PCBP3: variants seen among roughly 807,000 people sequenced by gnomAD.
PCBP3 encodes poly(rC)-binding protein 3.
Under a neutral mutation model 52.7 loss-of-function variants are expected in PCBP3, and 25 were observed. That is an observed-to-expected ratio of 0.47 (90% CI 0.35 to 0.66). The LOEUF is 0.66. Among genes scored for constraint, PCBP3 ranks in the 30% least tolerant of loss-of-function variants. The pLI, the probability that PCBP3 is intolerant of heterozygous loss-of-function variation, is 0.01. For missense variants in PCBP3, 391 were observed against 490.3 expected, an observed-to-expected ratio of 0.80 and a Z score of 1.91; for synonymous variants, 162 against 183.0, an observed-to-expected ratio of 0.89 and a Z score of 0.93.
At chr21:45,923,835 A>G (rs1274229767) in intron 13 of PCBP3, among the ~76,000 whole-genome samples, 1 of 149,344 alleles carries the variant, frequency 6.7e-6, no homozygotes, top group African/African-American at 2.5e-5. Context: ...AGATGCGAAC[A>G]CCGGGAACAG....
intron 5 of PCBP3, among the ~76,000 whole-genome samples, chr21:45,878,190 C>T (rs937191802): frequency 2.0e-5 from 3 of 152,270 alleles, no homozygotes; most frequent in South Asian, 2.1e-4. Context: ...AGGCTGGCAA[C>T]GCACAGGGGC....
intron 1 of PCBP3, among the ~76,000 whole-genome samples, chr21:45,657,683 AAAG>A (rs2080106854): frequency 1.3e-5 from 2 of 152,052 alleles, no homozygotes; most frequent in Admixed American, 6.6e-5. Context: ...GGAAAAAAAA[AAAG>A]GCAGGTAGAA....
chr21:45,706,625 A>G (rs2083467751), intron 2 of PCBP3, among the ~76,000 whole-genome samples: 1 of 152,214 alleles, frequency 6.6e-6, no homozygotes, highest in Non-Finnish European at 1.5e-5. Flanking sequence ...TGGCTTAATC[A>G]GCAAGTGCTG....
chr21:45,784,904 GTC>G (rs1417831966), intron 4 of PCBP3, among the ~76,000 whole-genome samples: 1 of 151,858 alleles, frequency 6.6e-6, no homozygotes, highest in African/African-American at 2.4e-5. Context: ...AGTGATGAGT[GTC>G]TCTGCCTGGC....
chr21:45,662,871 A>G (rs1404109357), intron 1 of PCBP3, among the ~76,000 whole-genome samples: 2 of 152,044 alleles, frequency 1.3e-5, no homozygotes, highest in African/African-American at 4.8e-5. Flanking sequence ...AGTGCCAAGG[A>G]AAAGCACCCG....
chr21:45,716,992 G>A (rs1386233999), intron 2 of PCBP3, among the ~76,000 whole-genome samples: 2 of 151,960 alleles, frequency 1.3e-5, no homozygotes. Context: ...AACATAGGAT[G>A]TTTTTCTATT....
At chr21:45,839,554 A>C (rs888480053) in intron 4 of PCBP3, among the ~76,000 whole-genome samples, 11 of 152,128 alleles carry the variant, frequency 7.2e-5, no homozygotes, top group African/African-American at 2.7e-4. Context: ...TTCACAGGAG[A>C]AAGGTAATTT....
rs749690751 is a variant in PCBP3, at chr21:45,910,929, G to T, written c.499G>T (p.Gly167Trp). 6.2e-7 allele frequency: 1 copy of T among 1,610,408 alleles called. No homozygotes were observed. The highest frequency in any genetic ancestry group is 1.1e-5 in the South Asian group (1 of 91,014). The change falls in exon 11 of 18, where the codon GGG becomes TGG. Residue 167 changes from glycine (G) to tryptophan (W), a missense_variant. Physicochemically the swap from Gly to Trp is radical, Grantham distance 184. Coordinates refer to ENST00000681687, the MANE Select transcript of PCBP3 (RefSeq NM_001384156.1). ...CACAGGTGCCCAGGTGCAGGTGGCT[G>T]GGGACATGCTGCCCAACTCCACGGA... ...ESTGAQVQVA[G>W]DMLPNSTERA...
chr21:45,695,458 A>G (rs1237761624), intron 2 of PCBP3, among the ~76,000 whole-genome samples: 1 of 152,194 alleles, frequency 6.6e-6, no homozygotes, highest in Non-Finnish European at 1.5e-5. Context: ...TCCAGCCTCA[A>G]GTACCTCAGT....
At chr21:45,873,932 C>T (rs971934706) in intron 5 of PCBP3, among the ~76,000 whole-genome samples, 3 of 152,252 alleles carry the variant, frequency 2.0e-5, no homozygotes, top group Non-Finnish European at 4.4e-5. Context: ...CCTGGCTAAT[C>T]TTCAAATATT....
chr21:45,792,093 C>T (rs1320361881), intron 4 of PCBP3, among the ~76,000 whole-genome samples: 1 of 152,286 alleles, frequency 6.6e-6, no homozygotes, highest in East Asian at 1.9e-4. Flanking sequence ...CAGGGCCACC[C>T]TTCGCAGGGC....
At chr21:45,738,316 GC>G (rs2086048144) in intron 3 of PCBP3, among the ~76,000 whole-genome samples, 1 of 148,244 alleles carries the variant, frequency 6.7e-6, no homozygotes, top group African/African-American at 2.5e-5. Flanking sequence ...GTGCAGTGGT[GC>G]CATCTTGGCT....
intron 16 of PCBP3, among the ~76,000 whole-genome samples, chr21:45,936,735 T>C (rs1037946171): frequency 9.8e-5 from 15 of 152,336 alleles, no homozygotes; most frequent in African/African-American, 3.1e-4. Context: ...GGTGCTCTTA[T>C]CCAAACACTC....
At chr21:45,849,345 A>G (rs1044162938) in intron 4 of PCBP3, among the ~76,000 whole-genome samples, 6 of 152,044 alleles carry the variant, frequency 3.9e-5, no homozygotes, top group African/African-American at 1.4e-4. Context: ...AGCTGGGATT[A>G]CAGGTGCCCG....
intron 5 of PCBP3, among the ~76,000 whole-genome samples, chr21:45,869,570 C>T (rs34760831): frequency 0.053 from 8,126 of 152,314 alleles, 273 homozygotes; most frequent in Non-Finnish European, 0.079. Flanking sequence ...CTCGCCGTCC[C>T]CACCCTCCTC....
At chr21:45,779,405 A>G (rs2090479441) in intron 4 of PCBP3, among the ~76,000 whole-genome samples, 1 of 152,008 alleles carries the variant, frequency 6.6e-6, no homozygotes, top group South Asian at 2.1e-4. Context: ...TTGGCTCCTG[A>G]CCAATCCCAG....
intron 1 of PCBP3, among the ~76,000 whole-genome samples, chr21:45,644,469 C>T (rs138837006): frequency 7.6e-4 from 116 of 152,160 alleles, no homozygotes; most frequent in African/African-American, 2.7e-3. Context: ...ATTGTCCCCA[C>T]ACGTGTTCTA....
rs991643870 is a variant in PCBP3, at chr21:45,791,534, G to A, written c.-126+36082G>A. On this transcript the variant is annotated intron_variant, in intron 4 of 17. Transcript: ENST00000681687. This position sits in a 1 kb window ranked among gnomAD's most constrained non-coding sequence, Gnocchi z 4.2. ...AAGGCAGAGAGGAGACGATGGTCTC[G>A]CGGCGTGATCTGGGCTAGGGAAGGA... 1.1e-4 allele frequency among the ~76,000 whole-genome samples: 17 copies of A among 152,196 alleles called. No individual in the cohort carries two copies. Among genetic ancestry groups the A allele is most frequent in the South Asian group, 2.1e-4 (1 of 4,824 alleles).
At chr21:45,745,436 C>G (rs1375484137) in intron 3 of PCBP3, among the ~76,000 whole-genome samples, 4 of 152,146 alleles carry the variant, frequency 2.6e-5, no homozygotes, top group African/African-American at 9.7e-5. Context: ...GGCCTGGACT[C>G]TGGGTGGCCT....
Sources: allele counts gnomAD v4.1 joint callset (sites outside exome capture counted in the v4.1 genomes callset), GRCh38; gene constraint gnomAD v4.1.1; non-coding constraint Gnocchi (gnomAD v3.1); transcripts MANE v1.5; gene names NCBI Gene and HGNC (gene_info 2026-07-23, HGNC 2026-07-21).